Variants in STK4 observed in about 807,000 individuals in gnomAD.
The protein encoded by STK4 is serine/threonine-protein kinase 4.
Under a neutral mutation model 64.9 loss-of-function variants are expected in STK4, and 30 were observed. The observed-to-expected ratio is 0.46, with a 90% CI of 0.35 to 0.63. STK4 has a LOEUF of 0.63. STK4 is among the 20% of genes least tolerant of loss of function. The pLI is 0.01. For missense variants in STK4, 466 were observed against 598.5 expected (o/e 0.78, Z 2.31); for synonymous variants, 177 against 199.0 (o/e 0.89, Z 0.93).
At chr20:45,034,003 A>G (rs567717052) in intron 10 of STK4, among the ~76,000 whole-genome samples, 2 of 152,302 alleles carry the variant, frequency 1.3e-5, no homozygotes, top group South Asian at 4.1e-4. Flanking sequence ...ATAAAAATAT[A>G]TTCTTAAATC....
chr20:44,990,127 T>C (rs551345103), intron 5 of STK4, among the ~76,000 whole-genome samples: 2 of 152,348 alleles, frequency 1.3e-5, no homozygotes, highest in Non-Finnish European at 2.9e-5. Context: ...GTAAATCAGC[T>C]TGAAAATACT....
intron 1 of STK4, among the ~76,000 whole-genome samples, chr20:44,970,064 C>T (rs927000): frequency 0.16 from 24,298 of 151,662 alleles, 2,517 homozygotes; most frequent in East Asian, 0.34. Flanking sequence ...TTAATAGCCC[C>T]GGATCAAAAA....
intron 5 of STK4, 138 bp from the exon 6 acceptor site, chr20:44,994,952 G>A: frequency 1.6e-6 from 1 of 640,930 alleles, no homozygotes; most frequent in Non-Finnish European, 2.3e-6. Context: ...TCAAGTACAA[G>A]GCATTTTTTT....
intron 10 of STK4, among the ~76,000 whole-genome samples, chr20:45,057,616 G>C (rs985010461): frequency 1.3e-5 from 2 of 152,102 alleles, no homozygotes; most frequent in African/African-American, 4.8e-5. Context: ...TTGTAAGTCA[G>C]ACCCCAGATT....
At chr20:44,977,330 A>G (rs1041340426) in intron 2 of STK4, among the ~76,000 whole-genome samples, 7 of 152,306 alleles carry the variant, frequency 4.6e-5, no homozygotes, top group South Asian at 4.1e-4. Context: ...ATGAGCATCT[A>G]TTTGGCAGTT....
At chr20:44,972,056 G>T (rs1490558371) in intron 1 of STK4, 22 bp from the exon 2 acceptor site, 2 of 1,604,464 alleles carry the variant, frequency 1.2e-6, no homozygotes, top group Admixed American at 3.4e-5. Context: ...TGTATTTTGT[G>T]TTTATATTTC....
chr20:45,051,244 TC>T (rs1184744083), intron 10 of STK4, among the ~76,000 whole-genome samples: 2 of 152,250 alleles, frequency 1.3e-5, no homozygotes, highest in Non-Finnish European at 2.9e-5. Flanking sequence ...ATTGATTGTT[TC>T]TAACCAAAAG....
In STK4 at chr20:45,075,478, T is replaced by A. The variant is rs1250946066; in HGVS notation, c.*302T>A. ...TGATAGCTGGGAAAGTTTTACATTG[T>A]CTGTTTTTCTTCTCCCAATAGCTTT... On this transcript the variant is annotated 3_prime_UTR_variant, in exon 11 of 11. Coordinates refer to ENST00000372806, the MANE Select transcript of STK4 (RefSeq NM_006282.5). The A allele has an allele frequency of 4.7e-6, 1 of 212,754 alleles. No homozygotes were observed. Among genetic ancestry groups the A allele is most frequent in the Non-Finnish European group, 9.4e-6 (1 of 106,024 alleles). The allele number at this position is 212,754 out of a possible 1,614,324, so 13.2% of individuals were successfully genotyped here.
chr20:45,050,227 AT>A (rs2068757025), intron 10 of STK4, among the ~76,000 whole-genome samples: 1 of 152,082 alleles, frequency 6.6e-6, no homozygotes, highest in African/African-American at 2.4e-5. Flanking sequence ...GGCACATGTA[AT>A]TTTTATACTT....
At chr20:45,070,986 T>G (rs1223792907) in intron 10 of STK4, among the ~76,000 whole-genome samples, 1 of 152,150 alleles carries the variant, frequency 6.6e-6, no homozygotes, top group African/African-American at 2.4e-5. Flanking sequence ...ATTTAATTAC[T>G]TTCCACTGGA....
chr20:45,024,909 A>G (rs1228980296), intron 9 of STK4, 64 bp from the exon 10 acceptor site: 11 of 1,423,980 alleles, frequency 7.7e-6, no homozygotes, highest in Admixed American at 2.7e-5. Flanking sequence ...AGATATGTCT[A>G]TTTATTAAAC....
intron 10 of STK4, among the ~76,000 whole-genome samples, chr20:45,046,874 G>T (rs2068704715): frequency 6.6e-6 from 1 of 151,950 alleles, no homozygotes; most frequent in Non-Finnish European, 1.5e-5. Flanking sequence ...TAGAGACAGG[G>T]TTTCACCATG....
intron 5 of STK4, among the ~76,000 whole-genome samples, chr20:44,987,681 T>G (rs2067554128): frequency 6.6e-6 from 1 of 152,124 alleles, no homozygotes; most frequent in South Asian, 2.1e-4. Context: ...GCAGTTACTG[T>G]ACTGAAAACA....
At chr20:45,028,443 C>T (rs1454909853) in intron 10 of STK4, among the ~76,000 whole-genome samples, 1 of 152,076 alleles carries the variant, frequency 6.6e-6, no homozygotes, top group Non-Finnish European at 1.5e-5. Flanking sequence ...CCTCCCACCT[C>T]AGCCTTCTGA....
chr20:45,011,729 A>ATATATT (rs60170856), intron 9 of STK4, among the ~76,000 whole-genome samples: 2 of 115,400 alleles, frequency 1.7e-5, no homozygotes, highest in African/African-American at 7.3e-5. Flanking sequence ...ATATATATAT[A>ATATATT]TTTTTTTTTT....
At chr20:45,074,829 A>G (rs150660338) in intron 10 of STK4, among the ~76,000 whole-genome samples, 189 bp from the exon 11 acceptor site, 1 of 152,230 alleles carries the variant, frequency 6.6e-6, no homozygotes, top group Non-Finnish European at 1.5e-5. Flanking sequence ...TATCTCAGAC[A>G]AGCTTCAAGG....
chr20:44,973,743 CA>C (rs1291274439), intron 2 of STK4, among the ~76,000 whole-genome samples: 1 of 152,216 alleles, frequency 6.6e-6, no homozygotes, highest in Non-Finnish European at 1.5e-5. Flanking sequence ...TGGAGGCTCA[CA>C]ATCCTCATCT....
chr20:45,045,382 C>G (rs936652768), intron 10 of STK4, among the ~76,000 whole-genome samples: 16 of 152,222 alleles, frequency 1.1e-4, no homozygotes, highest in African/African-American at 3.4e-4. Flanking sequence ...GAACCCAGAC[C>G]CCTAAGTGGC....
intron 2 of STK4, chr20:44,974,043 T>TA (rs2145635390): frequency 6.6e-6 from 1 of 152,334 alleles, no homozygotes; most frequent in South Asian, 2.1e-4. Context: ...AAAAATAAGC[T>TA]AATTATGATT....
Sources: allele counts gnomAD v4.1 joint callset (sites outside exome capture counted in the v4.1 genomes callset), GRCh38; gene constraint gnomAD v4.1.1; transcripts MANE v1.5; gene names NCBI Gene and HGNC (gene_info 2026-07-23, HGNC 2026-07-21).